Variants in KALRN observed in about 807,000 individuals in gnomAD.
The protein encoded by KALRN is kalirin RhoGEF kinase.
In KALRN, 70 loss-of-function variants were observed where a neutral mutation model predicts 353.7. The observed-to-expected ratio is 0.20, with a 90% CI of 0.16 to 0.24. The LOEUF (loss-of-function observed/expected upper bound fraction) is 0.24, where lower values mean the gene tolerates loss of function less well. KALRN is among the 10% of genes least tolerant of loss of function. The probability of loss-of-function intolerance (pLI) is 1.00; values close to 1 mark genes in which losing one functional copy is unlikely to be tolerated. For synonymous variants in KALRN, 1,391 were observed against 1,434.8 expected, an observed-to-expected ratio of 0.97 and a Z score of 0.69; for missense variants, 2,791 against 3,756.7, an observed-to-expected ratio of 0.74 and a Z score of 6.72.
At chr3:124,381,483 G>A (rs2087372298) in intron 10 of KALRN, among the ~76,000 whole-genome samples, 1 of 152,192 alleles carries the variant, frequency 6.6e-6, no homozygotes, top group South Asian at 2.1e-4. Context: ...GATTGGGTCT[G>A]AATTTTAGAA....
chr3:124,575,730 G>C (rs994476862), intron 34 of KALRN, among the ~76,000 whole-genome samples: 1 of 152,110 alleles, frequency 6.6e-6, no homozygotes, highest in Admixed American at 6.5e-5. Flanking sequence ...CAGCAATGTT[G>C]CATCTTTCTG....
At chr3:124,148,249 T>G (rs2067631959) in intron 1 of KALRN, among the ~76,000 whole-genome samples, 1 of 152,178 alleles carries the variant, frequency 6.6e-6, no homozygotes. Context: ...AATGGAAATC[T>G]CTTTCAGTTT....
chr3:124,552,037 G>T (rs1476197656), intron 33 of KALRN, among the ~76,000 whole-genome samples: 1 of 152,154 alleles, frequency 6.6e-6, no homozygotes, highest in East Asian at 1.9e-4. Flanking sequence ...AACCTTATGA[G>T]ATCTATGAGG....
At chr3:124,094,257 A>T (rs1460154990) in intron 1 of KALRN, 2 of 158,816 alleles carry the variant, frequency 1.3e-5, no homozygotes, top group African/African-American at 4.8e-5. Context: ...GGGAAAAAGG[A>T]TCTGTGGCCT....
chr3:124,429,373 ATTG>A (rs1038027045), intron 15 of KALRN, among the ~76,000 whole-genome samples: 1 of 152,176 alleles, frequency 6.6e-6, no homozygotes, highest in Non-Finnish European at 1.5e-5. Context: ...GTATTTTCTA[ATTG>A]TTCAATGTGA....
At chr3:124,373,681 A>T (rs887230750) in intron 10 of KALRN, among the ~76,000 whole-genome samples, 1 of 152,104 alleles carries the variant, frequency 6.6e-6, no homozygotes, top group Non-Finnish European at 1.5e-5. Context: ...CTCTCCCTGT[A>T]TGTCTGTATC....
intron 1 of KALRN, among the ~76,000 whole-genome samples, chr3:124,153,985 C>T (rs1401437730): frequency 2.0e-5 from 3 of 151,808 alleles, no homozygotes; most frequent in African/African-American, 7.3e-5. Flanking sequence ...TTCTTGTAAA[C>T]TTGTTTGAGT....
At chr3:124,589,684 A>C (rs1197616688) in intron 34 of KALRN, among the ~76,000 whole-genome samples, 1 of 152,226 alleles carries the variant, frequency 6.6e-6, no homozygotes, top group African/African-American at 2.4e-5. Context: ...CTTCTAGGAA[A>C]TGCCTTTACC....
chr3:124,404,227 A>G lies in KALRN; in HGVS notation c.2346+5356A>G, dbSNP rs138766774. ...GCCTTAAAAATAATTGAAAATGTTT[A>G]TCATAGGCCTCTTTTCCTTTATCTG... On this transcript the variant is annotated intron_variant, in intron 13 of 59. Coordinates refer to ENST00000682506, the MANE Select transcript of KALRN (RefSeq NM_001388419.1). Among the ~76,000 whole-genome samples, 455 of 151,762 alleles carry G rather than the reference A, an allele frequency of 3.0e-3. 1 individual carries two copies. Among genetic ancestry groups the G allele is most frequent in the African/African-American group, 0.01 (430 of 41,428 alleles).
intron 1 of KALRN, among the ~76,000 whole-genome samples, chr3:124,104,536 T>A (rs1273352404): frequency 6.6e-6 from 1 of 152,136 alleles, no homozygotes; most frequent in Non-Finnish European, 1.5e-5. Flanking sequence ...GAGGGACAGA[T>A]TGGGGCTACC....
intron 33 of KALRN, among the ~76,000 whole-genome samples, chr3:124,513,413 G>T (rs778925785): frequency 1.3e-5 from 2 of 152,184 alleles, no homozygotes; most frequent in African/African-American, 2.4e-5. Context: ...TCAGCATGGG[G>T]ACACGGGGAC....
intron 10 of KALRN, among the ~76,000 whole-genome samples, chr3:124,357,877 T>G (rs1483285674): frequency 1.3e-5 from 2 of 152,222 alleles, no homozygotes; most frequent in African/African-American, 4.8e-5. Flanking sequence ...ACTTGAAAGA[T>G]AAACGAATGA....
rs566254476 is a variant in KALRN, at chr3:124,709,383, T to C, written c.8076-3552T>C. ...ACCTCTGCCTCCCAAGTTCAAGTGATTTTTGTGCCTCAGTCTCCTGAGTAG... is the reference window on the plus strand; with the variant it reads ...ACCTCTGCCTCCCAAGTTCAAGTGACTTTTGTGCCTCAGTCTCCTGAGTAG... On this transcript the variant is annotated intron_variant, in intron 57 of 59. Coordinates refer to ENST00000682506, the MANE Select transcript of KALRN (RefSeq NM_001388419.1). Among the ~76,000 whole-genome samples, 12 of 152,318 alleles carry C rather than the reference T, an allele frequency of 7.9e-5. No homozygotes were observed. The South Asian group carries it at 2.1e-3, about 26-fold the overall frequency.
rs1219939700 is a variant in KALRN at position 124,501,496 on chromosome 3, G to T, written c.4935+5083G>T. On this transcript the variant is annotated intron_variant, in intron 33 of 59. Coordinates refer to ENST00000682506, the MANE Select transcript of KALRN (RefSeq NM_001388419.1). ...GAAGGCTTGGGTAGGAGATGGTAAG[G>T]GTCCAACTAAGGGGAAATTCAAAGG... Among the ~76,000 whole-genome samples, 3 of 152,142 alleles carry T rather than the reference G, an allele frequency of 2.0e-5. No homozygotes were observed. In the East Asian group the frequency reaches 5.8e-4, roughly 29 times the overall value.
At chr3:124,565,372 C>T (rs923773146) in intron 34 of KALRN, among the ~76,000 whole-genome samples, 2 of 152,164 alleles carry the variant, frequency 1.3e-5, no homozygotes, top group African/African-American at 4.8e-5. Context: ...AATCTGGTTC[C>T]GCTTGAAGTC....
intron 1 of KALRN, among the ~76,000 whole-genome samples, chr3:124,099,703 T>G (rs1437704076): frequency 6.6e-6 from 1 of 152,222 alleles, no homozygotes; most frequent in African/African-American, 2.4e-5. Context: ...TTCCCTTTTC[T>G]CCACATCCTC....
chr3:124,248,563 A>G (rs935325301), intron 3 of KALRN, among the ~76,000 whole-genome samples: 1 of 152,188 alleles, frequency 6.6e-6, no homozygotes, highest in African/African-American at 2.4e-5. Context: ...TGGAACTTAG[A>G]TGGGAGCACT....
chr3:124,262,373 G>T (rs2073002239), intron 3 of KALRN, among the ~76,000 whole-genome samples: 1 of 152,196 alleles, frequency 6.6e-6, no homozygotes, highest in Non-Finnish European at 1.5e-5. Context: ...ATGGATCTTT[G>T]ACTACTTCAA....
intron 34 of KALRN, among the ~76,000 whole-genome samples, chr3:124,572,872 T>C (rs928040498): frequency 2.0e-5 from 3 of 151,458 alleles, no homozygotes; most frequent in African/African-American, 7.3e-5. Context: ...ACCCCGTCTC[T>C]AGGAAAAATT....
Sources: gnomAD v4.1 joint callset for allele counts (sites outside exome capture counted in the v4.1 genomes callset) on GRCh38, gnomAD v4.1.1 for gene constraint, MANE v1.5 for transcripts, NCBI Gene and HGNC (gene_info 2026-07-23, HGNC 2026-07-21) for gene names.